MAPKAPK5: variants seen among roughly 807,000 people sequenced by gnomAD.
The protein encoded by MAPKAPK5 is MAP kinase-activated protein kinase 5.
In MAPKAPK5, 30 loss-of-function variants were observed where a neutral mutation model predicts 65.1. The ratio of observed to expected loss-of-function variants is 0.46; its 90% CI spans 0.34 to 0.63. The LOEUF (loss-of-function observed/expected upper bound fraction) is 0.63. MAPKAPK5 is among the 20% of genes least tolerant of loss of function. The pLI, the probability that MAPKAPK5 is intolerant of heterozygous loss-of-function variation, is 0.01. For synonymous variants in MAPKAPK5, 179 were observed against 204.6 expected (o/e 0.87, Z 1.07); for missense variants, 433 against 581.4 (o/e 0.74, Z 2.63).
rs992879597 is a variant in MAPKAPK5, at chr12:111,883,878, G to T, written c.848+110G>T. Reference sequence around the variant, plus strand: ...TGGTTTCCTAGGCAGGCTCCTCCCCGTTTTAATATCACAGAAATCTCTCTG... The same window carrying T: ...TGGTTTCCTAGGCAGGCTCCTCCCCTTTTTAATATCACAGAAATCTCTCTG... On this transcript the variant is annotated intron_variant, in intron 9 of 13. Transcript: ENST00000550735. This position sits in a 1 kb window ranked among gnomAD's most constrained non-coding sequence, Gnocchi z 4.8. 1.5e-5 allele frequency: 16 copies of T among 1,082,276 alleles called. No individual in the cohort carries two copies. Among genetic ancestry groups the T allele is most frequent in the African/African-American group, 3.2e-5 (2 of 62,872 alleles). The allele number at this position is 1,082,276 out of a possible 1,614,324, so 67.0% of individuals were successfully genotyped here.
At chr12:111,862,956 T>G (rs1477304193) in intron 1 of MAPKAPK5, among the ~76,000 whole-genome samples, 1 of 152,176 alleles carries the variant, frequency 6.6e-6, no homozygotes, top group Non-Finnish European at 1.5e-5. Flanking sequence ...ACAGGTCATG[T>G]AGCAGATAAG....
intron 1 of MAPKAPK5, among the ~76,000 whole-genome samples, chr12:111,845,838 G>A (rs926501649): frequency 2.6e-5 from 4 of 152,046 alleles, no homozygotes; most frequent in African/African-American, 9.7e-5. Flanking sequence ...CAGGAGAATC[G>A]CTTGAACCTG....
chr12:111,852,699 T>C (rs1468439730), intron 1 of MAPKAPK5, among the ~76,000 whole-genome samples: 1 of 152,210 alleles, frequency 6.6e-6, no homozygotes, highest in African/African-American at 2.4e-5. Context: ...TCCATTTCTT[T>C]AGGGCTTCTT....
At chr12:111,852,770 G>A (rs1705276014) in intron 1 of MAPKAPK5, among the ~76,000 whole-genome samples, 1 of 151,924 alleles carries the variant, frequency 6.6e-6, no homozygotes, top group South Asian at 2.1e-4. Context: ...CTTGCCTTTT[G>A]ATAAATTTAT....
intron 1 of MAPKAPK5, among the ~76,000 whole-genome samples, chr12:111,845,247 T>TC (rs781723524): frequency 2.0e-5 from 3 of 152,008 alleles, no homozygotes; most frequent in African/African-American, 4.8e-5. Flanking sequence ...GCCTTGGCCC[T>TC]CCGAGTAGCT....
rs1274226182 is a variant in MAPKAPK5, at chr12:111,881,402, C to CTTTTTTT, written c.660+875_660+876insTTTTTTT. 1.0e-3 allele frequency among the ~76,000 whole-genome samples: 117 copies of CTTTTTTT among 116,708 alleles called. 10 individuals are homozygous for CTTTTTTT. The highest frequency in any genetic ancestry group is 1.8e-3 in the African/African-American group (53 of 30,120). The allele number at this position is 116,708 out of a possible 152,430, so 76.6% of individuals were successfully genotyped here. A position where few individuals can be genotyped will look rare whatever the true frequency, so the allele number is the denominator to read the frequency against. ...AGCCCACATATTGATCCTGTCTGTT[C>CTTTTTTT]CTTTTTTTTTTTTTTTTTTTGAGAC... On this transcript the variant is annotated intron_variant, in intron 8 of 13. Transcript: ENST00000550735.
intron 7 of MAPKAPK5, among the ~76,000 whole-genome samples, chr12:111,872,973 A>G (rs1255705386): frequency 1.3e-5 from 2 of 152,162 alleles, no homozygotes; most frequent in African/African-American, 4.8e-5. Context: ...TATATCATGA[A>G]TATTCATCTC....
Position 111,902,074 on chromosome 12 carries a change from T to G in MAPKAPK5, c.*9013T>G, listed in dbSNP as rs902262630. ...ATGTACCTGAATTTATTACTAACTC[T>G]GGGATTTTCATTTTAAGTAACAACT... On this transcript the variant is annotated 3_prime_UTR_variant, in exon 14 of 14. Transcript: ENST00000550735. The G allele has an allele frequency of 6.6e-6, 1 of 152,380 alleles. No homozygotes were observed. Among genetic ancestry groups the G allele is most frequent in the Non-Finnish European group, 1.5e-5 (1 of 68,162 alleles). The allele number at this position is 152,380 out of a possible 1,614,324, so 9.4% of individuals were successfully genotyped here.
intron 1 of MAPKAPK5, among the ~76,000 whole-genome samples, chr12:111,863,374 A>G (rs2069504903): frequency 6.6e-6 from 1 of 152,114 alleles, no homozygotes; most frequent in Non-Finnish European, 1.5e-5. Flanking sequence ...AACCTTTACC[A>G]AGAATTGGAC....
intron 1 of MAPKAPK5, among the ~76,000 whole-genome samples, chr12:111,843,999 T>G (rs1425289899): frequency 6.6e-6 from 1 of 151,764 alleles, no homozygotes; most frequent in African/African-American, 2.4e-5. Context: ...TTTGTTTGTA[T>G]TTTTAGTAGA....
intron 1 of MAPKAPK5, among the ~76,000 whole-genome samples, chr12:111,855,357 G>T (rs965558696): frequency 2.6e-5 from 4 of 152,068 alleles, no homozygotes; most frequent in South Asian, 4.1e-4. Flanking sequence ...AAGGTAGAAG[G>T]TTAGGTTAGT....
rs2070807954 is a variant in MAPKAPK5 at position 111,896,197 on chromosome 12, C to T, written c.*3136C>T. On this transcript the variant is annotated 3_prime_UTR_variant, in exon 14 of 14. Transcript: ENST00000550735. Reference sequence around the variant, plus strand: ...AAAGGCTCAGGATGATTATTTTTTCCTTCAGTGTATGCTGAATTTTAGGTG... The same window carrying T: ...AAAGGCTCAGGATGATTATTTTTTCTTTCAGTGTATGCTGAATTTTAGGTG... The T allele has an allele frequency of 6.6e-6, 1 of 151,986 alleles. No individual in the cohort carries two copies. Among genetic ancestry groups the T allele is most frequent in the African/African-American group, 2.4e-5 (1 of 41,366 alleles). 9.4% of individuals were successfully genotyped at this position (151,986 alleles called of 1,614,324 possible). A position where few individuals can be genotyped will look rare whatever the true frequency, so the allele number is the denominator to read the frequency against.
At chr12:111,853,120 C>G (rs112263287) in intron 1 of MAPKAPK5, among the ~76,000 whole-genome samples, 1 of 152,052 alleles carries the variant, frequency 6.6e-6, no homozygotes, top group African/African-American at 2.4e-5. Flanking sequence ...AATCCCAGCA[C>G]TTTGGGAGGC....
intron 7 of MAPKAPK5, among the ~76,000 whole-genome samples, chr12:111,877,483 GT>G (rs1041127082): frequency 2.0e-5 from 3 of 152,026 alleles, no homozygotes; most frequent in Non-Finnish European, 4.4e-5. Flanking sequence ...GTATTTCTTT[GT>G]AGTTTTAATT....
chr12:111,881,991 G>T (rs1304751252), intron 8 of MAPKAPK5, among the ~76,000 whole-genome samples: 1 of 152,172 alleles, frequency 6.6e-6, no homozygotes, highest in Non-Finnish European at 1.5e-5. Context: ...GGAAAGTGAG[G>T]GATTGAAGGT....
At chr12:111,865,557 G>A (rs189794643) in intron 2 of MAPKAPK5, among the ~76,000 whole-genome samples, 2 of 152,094 alleles carry the variant, frequency 1.3e-5, no homozygotes, top group African/African-American at 4.8e-5. Context: ...GTCGAGACTG[G>A]CCAGGCGCGG....
At chr12:111,875,323 C>G (rs2069926292) in intron 7 of MAPKAPK5, among the ~76,000 whole-genome samples, 1 of 152,048 alleles carries the variant, frequency 6.6e-6, no homozygotes, top group Non-Finnish European at 1.5e-5. Context: ...TCTTCAGTGC[C>G]TCAGTGGCAT....
chr12:111,866,279 A>G, intron 3 of MAPKAPK5, 48 bp downstream of exon 3: 1 of 1,532,110 alleles, frequency 6.5e-7, no homozygotes, highest in Non-Finnish European at 8.9e-7. Context: ...GTGCCTAAGA[A>G]TTGTTCTTTT....
At chr12:111,856,055 A>G (rs1323910650) in intron 1 of MAPKAPK5, among the ~76,000 whole-genome samples, 3 of 151,626 alleles carry the variant, frequency 2.0e-5, no homozygotes, top group South Asian at 2.1e-4. Flanking sequence ...GGGTTTCTCC[A>G]TGTTGATCAG....
Sources: gnomAD v4.1 joint callset for allele counts (sites outside exome capture counted in the v4.1 genomes callset) on GRCh38, gnomAD v4.1.1 for gene constraint, Gnocchi (gnomAD v3.1) non-coding constraint, MANE v1.5 for transcripts, NCBI Gene and HGNC (gene_info 2026-07-23, HGNC 2026-07-21) for gene names.